Variants in ADGRL3 observed in about 807,000 individuals in gnomAD.
The protein encoded by ADGRL3 is adhesion G protein-coupled receptor L3.
ADGRL3 carries 62 observed loss-of-function variants against 153.5 expected under a neutral mutation model. The observed-to-expected ratio is 0.40, with a 90% CI of 0.33 to 0.50. The LOEUF (loss-of-function observed/expected upper bound fraction) is 0.50, where lower values mean the gene tolerates loss of function less well. ADGRL3 is among the 20% of genes least tolerant of loss of function. ADGRL3 has a pLI of 0.47. For synonymous variants in ADGRL3, 710 were observed against 672.5 expected (o/e 1.06, Z -0.86); for missense variants, 1,641 against 1,859.4 (o/e 0.88, Z 2.16).
At chr4:61,392,026 ATTTTTTTT>A (rs373905840) in intron 2 of ADGRL3, among the ~76,000 whole-genome samples, 1 of 135,680 alleles carries the variant, frequency 7.4e-6, no homozygotes. Flanking sequence ...CGACCGGCTA[ATTTTTTTT>A]TTTTTTTTGT....
chr4:61,379,599 A>G (rs889850239), intron 1 of ADGRL3, among the ~76,000 whole-genome samples: 1 of 152,066 alleles, frequency 6.6e-6, no homozygotes, highest in Admixed American at 6.6e-5. Context: ...GTCTTTTAAA[A>G]ACATGTTTGT....
At chr4:61,372,074 G>C (rs2096538638) in intron 1 of ADGRL3, among the ~76,000 whole-genome samples, 1 of 152,016 alleles carries the variant, frequency 6.6e-6, no homozygotes, top group Non-Finnish European at 1.5e-5. Context: ...TTGGTTTTCA[G>C]CTCCATCAGC....
chr4:61,910,242 C>T (rs1019052613), intron 12 of ADGRL3, among the ~76,000 whole-genome samples: 1 of 151,696 alleles, frequency 6.6e-6, no homozygotes, highest in Non-Finnish European at 1.5e-5. Context: ...ATTAATAAAA[C>T]TTTAAAAAAT....
At chr4:61,271,497 T>C (rs934310765) in intron 1 of ADGRL3, among the ~76,000 whole-genome samples, 2 of 151,962 alleles carry the variant, frequency 1.3e-5, no homozygotes, top group South Asian at 2.1e-4. Context: ...CTTTATGAGA[T>C]TGATTTTGTA....
At chr4:61,431,849 TA>T (rs760528726) in intron 2 of ADGRL3, among the ~76,000 whole-genome samples, 108 of 152,232 alleles carry the variant, frequency 7.1e-4, no homozygotes, top group Non-Finnish European at 1.3e-3. Flanking sequence ...ACTTCCTCTC[TA>T]AGTAACCTTA....
In ADGRL3 at chr4:62,077,414, C is replaced by T. The variant is rs545034554; in HGVS notation, c.*6506C>T. On this transcript the variant is annotated 3_prime_UTR_variant, in exon 27 of 27. Transcript: ENST00000683033. ...ATTGGCAAGGAAATATGTTTAAAGC[C>T]GAGAACTAAAATAGCTTTTTAAAAT... is the stretch of plus-strand genomic sequence containing the variant. The T allele has an allele frequency of 1.2e-4, 18 of 151,924 alleles. No homozygotes were observed. Among genetic ancestry groups the T allele is most frequent in the African/African-American group, 4.1e-4 (17 of 41,488 alleles). 9.4% of individuals were successfully genotyped at this position (151,924 alleles called of 1,614,324 possible).
intron 9 of ADGRL3, among the ~76,000 whole-genome samples, chr4:61,822,551 T>C (rs1291735921): frequency 6.6e-6 from 1 of 152,204 alleles, no homozygotes; most frequent in Non-Finnish European, 1.5e-5. Flanking sequence ...TGTTATTCAA[T>C]ATTGTCAGGA....
chr4:61,201,912 C>G (rs1734836173), intron 1 of ADGRL3, 147 bp downstream of exon 1: 1 of 152,626 alleles, frequency 6.6e-6, no homozygotes, highest in African/African-American at 2.4e-5. Context: ...CACACACACA[C>G]TCATCCGGTC....
At chr4:61,849,631 C>T (rs1438796748) in intron 9 of ADGRL3, among the ~76,000 whole-genome samples, 1 of 152,064 alleles carries the variant, frequency 6.6e-6, no homozygotes, top group Non-Finnish European at 1.5e-5. Flanking sequence ...TACATATAAA[C>T]TATGTGGAGC....
intron 8 of ADGRL3, among the ~76,000 whole-genome samples, chr4:61,781,331 CAAAAAA>C (rs71281828): frequency 1.6e-5 from 1 of 64,440 alleles, no homozygotes. Flanking sequence ...ATTCTGCCTC[CAAAAAA>C]AAAAAAAAAA....
intron 5 of ADGRL3, among the ~76,000 whole-genome samples, chr4:61,642,765 A>C (rs1191089124): frequency 6.6e-6 from 1 of 152,130 alleles, no homozygotes; most frequent in Non-Finnish European, 1.5e-5. Context: ...TGACATGGCG[A>C]TGTGGGCTCT....
At chr4:61,702,272 G>A (rs959112) in intron 6 of ADGRL3, among the ~76,000 whole-genome samples, 151,199 of 152,266 alleles carry the variant, frequency 0.99, 75,084 homozygotes, top group Middle Eastern at 1. Context: ...TAAGCTACTC[G>A]GAACAGAAAA....
rs188839574 is a variant in ADGRL3, at chr4:61,419,077, T to C, written c.-174+35888T>C. 8.8e-4 allele frequency among the ~76,000 whole-genome samples: 133 copies of C among 150,852 alleles called. 1 individual carries two copies. The highest frequency in any genetic ancestry group is 1.3e-3 in the Non-Finnish European group (90 of 68,000). On this transcript the variant is annotated intron_variant, in intron 2 of 26. Coordinates refer to ENST00000683033, the MANE Select transcript of ADGRL3 (RefSeq NM_001387552.1). ...TTGTTAAGAATGTTGGTATACTTTCTCACAATTTAAAACATGTAGGTAGAT... is the reference window on the plus strand; with the variant it reads ...TTGTTAAGAATGTTGGTATACTTTCCCACAATTTAAAACATGTAGGTAGAT...
rs78216302 is a variant in ADGRL3, at chr4:61,864,186, G to C, written c.1481-28470G>C. ...TAAAACTTCTTAGTTTTAAAAGCTG[G>C]TAATAATCTATTTAGATCTTCTTTT... is the stretch of plus-strand genomic sequence containing the variant. On this transcript the variant is annotated intron_variant, in intron 9 of 26. Transcript: ENST00000683033. Among the ~76,000 whole-genome samples the C allele has an allele frequency of 4.8e-3, 732 of 152,164 alleles. 2 individuals carry two copies. The highest frequency in any genetic ancestry group is 0.016 in the African/African-American group (677 of 41,514).
chr4:61,664,302 G>A (rs1244290017), intron 5 of ADGRL3, among the ~76,000 whole-genome samples: 1 of 152,182 alleles, frequency 6.6e-6, no homozygotes, highest in Non-Finnish European at 1.5e-5. Context: ...ATATGGAGCT[G>A]TTAATTCAGA....
At chr4:61,340,417 C>G (rs929905122) in intron 1 of ADGRL3, among the ~76,000 whole-genome samples, 7 of 151,876 alleles carry the variant, frequency 4.6e-5, no homozygotes, top group African/African-American at 1.7e-4. Flanking sequence ...GTGGGATAGG[C>G]ATTCTCTTTT....
intron 1 of ADGRL3, among the ~76,000 whole-genome samples, chr4:61,282,724 A>C (rs17090421): frequency 7.4e-4 from 112 of 152,060 alleles, no homozygotes; most frequent in African/African-American, 2.6e-3. Context: ...TTGTTTACTG[A>C]GTGTGAATAT....
chr4:61,241,409 A>G (rs926484480), intron 1 of ADGRL3, among the ~76,000 whole-genome samples: 1 of 152,066 alleles, frequency 6.6e-6, no homozygotes, highest in Non-Finnish European at 1.5e-5. Flanking sequence ...GGCACCATGT[A>G]GATTCTTAAA....
intron 1 of ADGRL3, among the ~76,000 whole-genome samples, chr4:61,234,607 A>G (rs1752110686): frequency 6.6e-6 from 1 of 152,176 alleles, no homozygotes; most frequent in Admixed American, 6.5e-5. Flanking sequence ...AAATCAGAAG[A>G]CGGAAATCAG....
Sources: allele counts gnomAD v4.1 joint callset (sites outside exome capture counted in the v4.1 genomes callset), GRCh38; gene constraint gnomAD v4.1.1; transcripts MANE v1.5; gene names NCBI Gene and HGNC (gene_info 2026-07-23, HGNC 2026-07-21).